Variants in METAP1 observed in about 807,000 individuals in gnomAD.
METAP1 encodes methionine aminopeptidase 1.
METAP1 carries 28 observed loss-of-function variants against 53.8 expected under a neutral mutation model. That is an observed-to-expected ratio of 0.52 (90% CI 0.39 to 0.71). The LOEUF (loss-of-function observed/expected upper bound fraction) is 0.71. Ranked by LOEUF, METAP1 falls within the 30% of genes least tolerant of loss-of-function variation. METAP1 has a pLI of 0.00. For missense variants in METAP1, 389 were observed against 479.8 expected, an observed-to-expected ratio of 0.81 and a Z score of 1.77; for synonymous variants, 181 against 165.7, an observed-to-expected ratio of 1.09 and a Z score of -0.71.
At chr4:99,048,910 C>G (rs1229171584) in intron 9 of METAP1, 34 bp downstream of exon 9, 6 of 1,595,520 alleles carry the variant, frequency 3.8e-6, no homozygotes, top group Non-Finnish European at 5.1e-6. Context: ...TATAAGCTCA[C>G]CATTTATTCA....
At chr4:99,017,979 CAG>C (rs1374752462) in intron 1 of METAP1, among the ~76,000 whole-genome samples, 8 of 152,380 alleles carry the variant, frequency 5.3e-5, no homozygotes, top group Admixed American at 1.3e-4. Context: ...AGGGCTAAAA[CAG>C]GGGCAGATAT....
intron 1 of METAP1, among the ~76,000 whole-genome samples, chr4:99,015,266 C>T (rs1173683773): frequency 2.0e-5 from 3 of 152,058 alleles, no homozygotes; most frequent in Admixed American, 2.0e-4. Flanking sequence ...ATGCTTTTGT[C>T]TTATCATTTA....
Position 99,048,717 on chromosome 4 carries a change from T to G in METAP1, c.788-16T>G, listed in dbSNP as rs759858989. Reference sequence around the variant, plus strand: ...TTAGTTATTAGTTTATCATGAATTTTCTTTTTTCCTTTCAGTGAAGCCTGG... The same window carrying G: ...TTAGTTATTAGTTTATCATGAATTTGCTTTTTTCCTTTCAGTGAAGCCTGG... On this transcript the variant is annotated splice_polypyrimidine_tract_variant and intron_variant, in intron 8 of 10. Coordinates refer to ENST00000296411, the MANE Select transcript of METAP1 (RefSeq NM_015143.3). 3.1e-6 allele frequency: 5 copies of G among 1,611,982 alleles called. No homozygotes were observed. The highest frequency in any genetic ancestry group is 4.2e-6 in the Non-Finnish European group (5 of 1,178,582).
chr4:99,009,979 T>G (rs1049728512), intron 1 of METAP1, among the ~76,000 whole-genome samples: 5 of 152,226 alleles, frequency 3.3e-5, no homozygotes, highest in African/African-American at 1.2e-4. Context: ...CCCATTTCCC[T>G]TATGTTTTCA....
At position 99,022,362 on chromosome 4, in the gene METAP1, G is replaced by A. The variant is rs1278092268; in HGVS notation, c.115-6505G>A. 7 of 885,220 alleles carry A rather than the reference G, an allele frequency of 7.9e-6. No homozygotes were observed. In the East Asian group the frequency reaches 8.7e-5, roughly 11 times the overall value. The allele number at this position is 885,220 out of a possible 1,614,324, so 54.8% of individuals were successfully genotyped here. On this transcript the variant is annotated intron_variant, in intron 1 of 10. Transcript: ENST00000296411. Reference sequence around the variant, plus strand: ...CCTCCATGCTCTCTGAGGGTGGCGGGGCTCCAAAGATCCTGGCCAGGAGTG... The same window carrying A: ...CCTCCATGCTCTCTGAGGGTGGCGGAGCTCCAAAGATCCTGGCCAGGAGTG...
chr4:99,017,017 G>C (rs917017363), intron 1 of METAP1, among the ~76,000 whole-genome samples: 2 of 152,294 alleles, frequency 1.3e-5, no homozygotes, highest in East Asian at 1.9e-4. Flanking sequence ...AGCTAATTTG[G>C]GGGAGAGGAG....
intron 1 of METAP1, among the ~76,000 whole-genome samples, chr4:99,004,877 T>C (rs1723106578): frequency 6.6e-6 from 1 of 152,212 alleles, no homozygotes; most frequent in Non-Finnish European, 1.5e-5. Context: ...TTCACTGCTA[T>C]GTGATATTCC....
chr4:99,025,080 A>AATGCG (rs1359982432), intron 1 of METAP1, among the ~76,000 whole-genome samples: 4 of 152,218 alleles, frequency 2.6e-5, no homozygotes, highest in African/African-American at 9.6e-5. Context: ...TCCACCCGGT[A>AATGCG]ATGCGGTAAT....
chr4:99,031,377 T>C (rs1287536332), intron 2 of METAP1: 3 of 1,123,750 alleles, frequency 2.7e-6, no homozygotes, highest in Non-Finnish European at 3.5e-6. Context: ...AAAGGTGGAA[T>C]AATTTGACAA....
At chr4:99,057,928 T>C in intron 10 of METAP1, 110 bp downstream of exon 10, 1 of 865,732 alleles carries the variant, frequency 1.2e-6, no homozygotes, top group Non-Finnish European at 1.8e-6. Context: ...TCCTACTCAC[T>C]CCCTGTCCCA....
chr4:99,000,893 C>T (rs1203362336), intron 1 of METAP1, among the ~76,000 whole-genome samples: 4 of 151,952 alleles, frequency 2.6e-5, no homozygotes, highest in Non-Finnish European at 5.9e-5. Context: ...TTGGTAGAGA[C>T]GGGGTTTCAC....
intron 1 of METAP1, among the ~76,000 whole-genome samples, chr4:99,024,214 C>A (rs1724377273): frequency 6.6e-6 from 1 of 152,054 alleles, no homozygotes; most frequent in African/African-American, 2.4e-5. Flanking sequence ...AGTCACGTAC[C>A]CCCTGCTTGC....
rs549225755 is a variant in METAP1 at position 99,031,777 on chromosome 4, AG to A, written c.167-2452del. The A allele has an allele frequency of 4.1e-3, 1,751 of 423,898 alleles. 9 individuals carry two copies. Among genetic ancestry groups the A allele is most frequent in the Non-Finnish European group, 5.8e-3 (1,330 of 227,604 alleles). The allele number at this position is 423,898 out of a possible 1,614,324, so 26.3% of individuals were successfully genotyped here. A position where few individuals can be genotyped will look rare whatever the true frequency, so the allele number is the denominator to read the frequency against. On this transcript the variant is annotated intron_variant, in intron 2 of 10. Transcript: ENST00000296411. ...TGTAGTTATTTTGTGTCAGCTGACC[AG>A]AGGAAGCAGCCTGCATACAACTTTT...
chr4:99,051,529 CT>C (rs915437614), intron 9 of METAP1, among the ~76,000 whole-genome samples: 1 of 150,592 alleles, frequency 6.6e-6, no homozygotes, highest in African/African-American at 2.4e-5. Flanking sequence ...GTAGCTGGTA[CT>C]TCAGGTGTGG....
intron 4 of METAP1, 49 bp from the exon 5 acceptor site, chr4:99,039,325 C>A (rs1725674523): frequency 1.9e-6 from 2 of 1,074,074 alleles, no homozygotes; most frequent in Middle Eastern, 2.0e-4. Context: ...CAAATAAATA[C>A]TACATCTTTG....
intron 1 of METAP1, chr4:99,023,031 TG>T (rs1724254950): frequency 7.0e-7 from 1 of 1,430,482 alleles, no homozygotes; most frequent in Non-Finnish European, 9.4e-7. Context: ...CACAGGCTGC[TG>T]CTTTGGATTC....
At chr4:98,999,649 T>C (rs1240703528) in intron 1 of METAP1, among the ~76,000 whole-genome samples, 3 of 150,712 alleles carry the variant, frequency 2.0e-5, no homozygotes, top group Non-Finnish European at 4.4e-5. Context: ...TAGCTGAGAT[T>C]ACAGGTGCGC....
At chr4:99,049,288 C>T (rs1384572235) in intron 9 of METAP1, among the ~76,000 whole-genome samples, 5 of 152,168 alleles carry the variant, frequency 3.3e-5, no homozygotes, top group African/African-American at 9.7e-5. Context: ...AATTCAGTCA[C>T]ATGGCTACAT....
intron 1 of METAP1, among the ~76,000 whole-genome samples, chr4:99,004,204 C>G (rs1723055737): frequency 1.3e-5 from 2 of 152,096 alleles, no homozygotes; most frequent in African/African-American, 4.8e-5. Context: ...GAACCCAATC[C>G]TCTTGGGTTT....
Sources: gnomAD v4.1 joint callset for allele counts (sites outside exome capture counted in the v4.1 genomes callset) on GRCh38, gnomAD v4.1.1 for gene constraint, MANE v1.5 for transcripts, NCBI Gene and HGNC (gene_info 2026-07-23, HGNC 2026-07-21) for gene names.